The following PRPF6 variants were observed in gnomAD, a reference collection of about 807,000 sequenced individuals.
PRPF6 encodes the protein pre-mRNA-processing factor 6.
Under a neutral mutation model 118.3 loss-of-function variants are expected in PRPF6, and 42 were observed. The observed-to-expected ratio is 0.35, with a 90% CI of 0.28 to 0.46. PRPF6 has a LOEUF of 0.46. PRPF6 is among the 20% of genes least tolerant of loss of function. The pLI, the probability that PRPF6 is intolerant of heterozygous loss-of-function variation, is 1.00. For synonymous variants in PRPF6, 481 were observed against 485.1 expected (o/e 0.99, Z 0.11); for missense variants, 662 against 1,255.7 (o/e 0.53, Z 7.15).
chr20:63,993,313 A>G, intron 3 of PRPF6, 94 bp from the exon 4 acceptor site: 2 of 736,086 alleles, frequency 2.7e-6, no homozygotes, highest in Non-Finnish European at 4.7e-6. Flanking sequence ...AGAGTATGGA[A>G]TTGTTCTTTT....
intron 3 of PRPF6, among the ~76,000 whole-genome samples, chr20:63,987,169 CAAAA>C (rs61702884): frequency 1.9e-5 from 1 of 52,454 alleles, no homozygotes. Context: ...GACCCTGTCT[CAAAA>C]AAAAAAAAAA....
rs8120248 is a variant in PRPF6 at position 63,982,024 on chromosome 20, G to T, written c.71+708G>T. On this transcript the variant is annotated intron_variant, in intron 1 of 20. Transcript: ENST00000266079. ...CGTGTGGGAGTTCAAAAAAAGTGAG[G>T]CAAGGAGGAAGCCCAGGGAACAGGA... Among the ~76,000 whole-genome samples, 885 of 152,150 alleles carry T rather than the reference G, an allele frequency of 5.8e-3. 12 individuals are homozygous for T. The highest frequency in any genetic ancestry group is 0.02 in the African/African-American group (839 of 41,470).
chr20:63,988,786 T>C (rs2059106058), intron 3 of PRPF6, among the ~76,000 whole-genome samples: 1 of 151,872 alleles, frequency 6.6e-6, no homozygotes, highest in Non-Finnish European at 1.5e-5. Flanking sequence ...GGAGAATCAC[T>C]TGAACCTGGA....
At position 63,999,026 on chromosome 20, in the gene PRPF6, A is replaced by G; in HGVS notation, c.772-19A>G. On this transcript the variant is annotated intron_variant, in intron 6 of 20. Transcript: ENST00000266079. ...ACCTGGTCATGTCCAGCTGACTCTTAGCTTGGCCTGTCTCACAGGTGTCTG... is the reference window on the plus strand; with the variant it reads ...ACCTGGTCATGTCCAGCTGACTCTTGGCTTGGCCTGTCTCACAGGTGTCTG... The G allele has an allele frequency of 1.2e-6, 2 of 1,603,042 alleles. No individual in the cohort carries two copies. The highest frequency in any genetic ancestry group is 1.7e-6 in the Non-Finnish European group (2 of 1,171,000).
At chr20:64,004,634 G>A (rs1026041181) in intron 9 of PRPF6, among the ~76,000 whole-genome samples, 5 of 152,172 alleles carry the variant, frequency 3.3e-5, no homozygotes, top group Non-Finnish European at 7.3e-5. Flanking sequence ...GACCTGAGGA[G>A]GCTGAGTAAC....
chr20:63,987,819 T>A (rs6062602), intron 3 of PRPF6, among the ~76,000 whole-genome samples: 17,810 of 150,544 alleles, frequency 0.12, 1,296 homozygotes, highest in Non-Finnish European at 0.17. Flanking sequence ...AGGCTGAGGG[T>A]GGGTGGATCA....
chr20:64,015,996 A>G (rs1449898405), intron 11 of PRPF6, among the ~76,000 whole-genome samples: 1 of 152,100 alleles, frequency 6.6e-6, no homozygotes, highest in Non-Finnish European at 1.5e-5. Flanking sequence ...ATGGTGGTGC[A>G]TGTCTGTGCT....
chr20:64,029,551 AGTCT>A lies in PRPF6; in HGVS notation c.2546+66_2546+69del. On this transcript the variant is annotated intron_variant, in intron 19 of 20. Transcript: ENST00000266079. The surrounding 1 kb of genome is among the most constrained non-coding windows in gnomAD (Gnocchi z 4.8). ...GGGTCCTAATGGGCTCTTTTTCCAG[AGTCT>A]GTCTGCCTCTTCCTGGTCATTGTAA... 7.2e-7 allele frequency: 1 copy of A among 1,392,374 alleles called. No homozygotes were observed. The highest frequency in any genetic ancestry group is 1.7e-5 in the Admixed American group (1 of 59,184). 86.3% of individuals were successfully genotyped at this position (1,392,374 alleles called of 1,614,324 possible).
intron 14 of PRPF6, 118 bp from the exon 15 acceptor site, chr20:64,025,821 A>G: frequency 6.3e-7 from 1 of 1,577,384 alleles, no homozygotes; most frequent in Non-Finnish European, 8.7e-7. Context: ...GGACCAGACT[A>G]ATCCTGTAGC....
intron 11 of PRPF6, among the ~76,000 whole-genome samples, chr20:64,016,126 T>C (rs979402430): frequency 1.1e-4 from 16 of 151,596 alleles, no homozygotes; most frequent in African/African-American, 3.9e-4. Flanking sequence ...TCTCTCTCTT[T>C]TTTTTTTTTT....
chr20:64,006,769 C>A (rs2059191717), intron 9 of PRPF6, among the ~76,000 whole-genome samples: 1 of 152,192 alleles, frequency 6.6e-6, no homozygotes, highest in Non-Finnish European at 1.5e-5. Flanking sequence ...CTGTGAGATC[C>A]AGCCGGGATT....
At chr20:64,009,259 G>A (rs1462840962) in intron 9 of PRPF6, among the ~76,000 whole-genome samples, 7 of 119,096 alleles carry the variant, frequency 5.9e-5, no homozygotes, top group African/African-American at 9.8e-5. Flanking sequence ...CCAGCCTGGC[G>A]ACAGAGCGAG....
chr20:63,993,226 ATG>A (rs61077852), intron 3 of PRPF6, among the ~76,000 whole-genome samples, 179 bp from the exon 4 acceptor site: 53,671 of 128,910 alleles, frequency 0.42, 11,064 homozygotes, highest in East Asian at 0.76. Flanking sequence ...AAAAAAAAAA[ATG>A]TGTGTGTGTG....
chr20:63,996,926 C>T (rs1419200604), intron 6 of PRPF6, among the ~76,000 whole-genome samples: 1 of 152,034 alleles, frequency 6.6e-6, no homozygotes, highest in African/African-American at 2.4e-5. Context: ...GAGACTGTCT[C>T]AATAAATAAA....
In PRPF6 at chr20:64,026,896, C is replaced by T; in HGVS notation, c.2029-86C>T. The stretch of plus-strand genomic sequence containing the variant: ...GCTTACAAAAGTACACACAGTACTG[C>T]AGGTAACAGTGTTGAGGATGAGTGT... On this transcript the variant is annotated intron_variant, in intron 15 of 20. Transcript: ENST00000266079. The surrounding 1 kb of genome is among the most constrained non-coding windows in gnomAD (Gnocchi z 4.4). 3.0e-6 allele frequency: 4 copies of T among 1,338,204 alleles called. No individual in the cohort carries two copies. The highest frequency in any genetic ancestry group is 4.3e-6 in the Non-Finnish European group (4 of 931,170). The allele number at this position is 1,338,204 out of a possible 1,614,324, so 82.9% of individuals were successfully genotyped here.
intron 9 of PRPF6, among the ~76,000 whole-genome samples, chr20:64,003,546 T>G (rs2059176975): frequency 6.6e-6 from 1 of 152,216 alleles, no homozygotes; most frequent in Non-Finnish European, 1.5e-5. Flanking sequence ...CTGTCGAGGC[T>G]GGTTTCTTGA....
At chr20:63,994,885 A>G (rs767430134) in intron 4 of PRPF6, 31 bp from the exon 5 acceptor site, 25 of 1,613,862 alleles carry the variant, frequency 1.5e-5, no homozygotes, top group Non-Finnish European at 1.9e-5. Flanking sequence ...CTGTCAGAGA[A>G]TTAATGTTTT....
Position 64,029,436 on chromosome 20 carries a change from G to A in PRPF6, c.2491G>A (p.Val831Met), listed in dbSNP as rs749610328. The change falls in exon 19 of 21, where the codon GTG (valine) becomes ATG (methionine). Residue 831 changes from valine to methionine, a missense_variant. Physicochemically the swap from Val to Met is conservative, Grantham distance 21 (BLOSUM62 1). Transcript: ENST00000266079. The surrounding 1 kb of genome is among the most constrained non-coding windows in gnomAD (Gnocchi z 4.8). ...AAGGCCCCAGAGGAGGACCAAGAGC[G>A]TGGATGCCCTGAAGAAGTGTGAGCA... ...EARPQRRTKS[V>M]DALKKCEHDP... is the part of the protein sequence containing the mutation. 1.7e-5 allele frequency: 28 copies of A among 1,614,096 alleles called. No individual in the cohort carries two copies. In the East Asian group the frequency reaches 2.4e-4, roughly 14 times the overall value.
chr20:63,983,256 C>G (rs2122968489), intron 2 of PRPF6, 41 bp downstream of exon 2: 1 of 1,612,734 alleles, frequency 6.2e-7, no homozygotes, highest in African/African-American at 1.3e-5. Flanking sequence ...CAGCCAGTCT[C>G]TGGGAGCAGC....
Sources: gnomAD v4.1 joint callset for allele counts (sites outside exome capture counted in the v4.1 genomes callset) on GRCh38, gnomAD v4.1.1 for gene constraint, Gnocchi (gnomAD v3.1) non-coding constraint, MANE v1.5 for transcripts, NCBI Gene and HGNC (gene_info 2026-07-23, HGNC 2026-07-21) for gene names.